Variants in DIP2C observed in about 807,000 individuals in gnomAD.
DIP2C encodes DIP2 acetate--CoA ligase C (putative).
In DIP2C, 33 loss-of-function variants were observed where a neutral mutation model predicts 192.4. That is an observed-to-expected ratio of 0.17 (90% confidence interval 0.13 to 0.23). The LOEUF (loss-of-function observed/expected upper bound fraction) is 0.23. Among genes scored for constraint, DIP2C ranks in the 10% least tolerant of loss-of-function variants. DIP2C has a pLI of 1.00. For synonymous variants in DIP2C, 979 were observed against 864.1 expected (o/e 1.13, Z -2.33); for missense variants, 1,537 against 2,110.1 (o/e 0.73, Z 5.32).
At chr10:327,238 G>A in intron 30 of DIP2C, 62 bp from the exon 31 acceptor site, 1 of 1,552,146 alleles carries the variant, frequency 6.4e-7, no homozygotes. Flanking sequence ...GTGAGCCAGA[G>A]ACTCCTTCCC....
At position 347,507 on chromosome 10, in the gene DIP2C, T is replaced by C. The variant is rs1282530830; in HGVS notation, c.3231+1134A>G. ...ACTCACCCGGACACATTGCGCATAG[T>C]TCTCCCGGAAACCCCACACGCACCC... On this transcript the variant is annotated intron_variant, in intron 26 of 36. Coordinates refer to ENST00000280886, the MANE Select transcript of DIP2C (RefSeq NM_014974.3). Among the ~76,000 whole-genome samples, 14 of 69,260 alleles carry C rather than the reference T, an allele frequency of 2.0e-4. 1 individual carries two copies. The highest frequency in any genetic ancestry group is 6.5e-4 in the South Asian group (1 of 1,540). 45.4% of individuals were successfully genotyped at this position (69,260 alleles called of 152,430 possible).
intron 1 of DIP2C, among the ~76,000 whole-genome samples, chr10:645,755 G>A (rs754613337): frequency 1.1e-4 from 17 of 152,140 alleles, no homozygotes; most frequent in Non-Finnish European, 1.9e-4. Context: ...TGTTGATAAC[G>A]TTTATCTCTG....
chr10:619,571 G>A (rs1182229882), intron 1 of DIP2C, among the ~76,000 whole-genome samples: 3 of 75,612 alleles, frequency 4.0e-5, no homozygotes, highest in East Asian at 3.7e-4. Context: ...ACGCACTCCC[G>A]TGCGAGCTAA....
chr10:401,300 G>C (rs951169531), intron 9 of DIP2C, among the ~76,000 whole-genome samples: 2 of 151,338 alleles, frequency 1.3e-5, no homozygotes, highest in African/African-American at 4.9e-5. Context: ...CTTCCTTACG[G>C]ACAAGTTTGG....
At chr10:409,407 C>T (rs950676948) in intron 8 of DIP2C, among the ~76,000 whole-genome samples, 1 of 152,136 alleles carries the variant, frequency 6.6e-6, no homozygotes, top group Non-Finnish European at 1.5e-5. Context: ...GCCCTGAGAA[C>T]CTTCTCCTAG....
At chr10:478,813 C>T (rs1186266835) in intron 2 of DIP2C, among the ~76,000 whole-genome samples, 2 of 152,098 alleles carry the variant, frequency 1.3e-5, no homozygotes, top group South Asian at 2.1e-4. Flanking sequence ...CTTATTCTCA[C>T]TCATCGCGTG....
intron 32 of DIP2C, among the ~76,000 whole-genome samples, chr10:305,852 C>G (rs1338801434): frequency 1.3e-5 from 2 of 152,028 alleles, no homozygotes; most frequent in African/African-American, 2.4e-5. Flanking sequence ...CGCTATGTTG[C>G]CCAGGCTGCC....
intron 1 of DIP2C, among the ~76,000 whole-genome samples, chr10:545,531 G>T (rs1291042505): frequency 6.6e-6 from 1 of 152,108 alleles, no homozygotes; most frequent in African/African-American, 2.4e-5. Context: ...AGAAACCCAT[G>T]AGGACACAGA....
chr10:414,705 G>GTA (rs1460682366), intron 7 of DIP2C, among the ~76,000 whole-genome samples: 7 of 94,680 alleles, frequency 7.4e-5, no homozygotes, highest in African/African-American at 2.4e-4. Flanking sequence ...GAGTGTGTAT[G>GTA]TATGTGTGTG....
intron 29 of DIP2C, among the ~76,000 whole-genome samples, chr10:329,959 A>G (rs1957432567): frequency 6.6e-6 from 1 of 152,168 alleles, no homozygotes; most frequent in Admixed American, 6.5e-5. Context: ...TAAAAAAAAA[A>G]AGTCCAGCTT....
At chr10:678,508 C>T (rs112987326) in intron 1 of DIP2C, among the ~76,000 whole-genome samples, 2 of 80,622 alleles carry the variant, frequency 2.5e-5, no homozygotes, top group Non-Finnish European at 6.4e-5. Flanking sequence ...CCTCCCCGCA[C>T]CCAAGCTCCC....
chr10:566,246 C>A (rs930758605), intron 1 of DIP2C, among the ~76,000 whole-genome samples: 3 of 152,188 alleles, frequency 2.0e-5, no homozygotes, highest in Admixed American at 6.5e-5. Context: ...TTTTTTGCCC[C>A]TTTTTAAACT....
intron 1 of DIP2C, among the ~76,000 whole-genome samples, chr10:502,473 T>A (rs1477348023): frequency 1.3e-5 from 2 of 152,174 alleles, no homozygotes; most frequent in Non-Finnish European, 2.9e-5. Flanking sequence ...CTCAGGTCCA[T>A]AATCTAAGCT....
At chr10:444,116 T>C (rs117412313) in intron 3 of DIP2C, among the ~76,000 whole-genome samples, 4,035 of 150,484 alleles carry the variant, frequency 0.027, 91 homozygotes, top group East Asian at 0.083. Context: ...AGATTCCCCA[T>C]CGTCACATGG....
rs181516172 is a variant in DIP2C at position 612,070 on chromosome 10, C to T, written c.85+77424G>A. ...CAGCACTTTGGGAGGCCAAGGTGAG[C>T]GCATCACCTGAGGTCAGGAGTTCGA... On this transcript the variant is annotated intron_variant, in intron 1 of 36. Transcript: ENST00000280886. Among the ~76,000 whole-genome samples, 641 of 152,138 alleles carry T rather than the reference C, an allele frequency of 4.2e-3. 2 individuals are homozygous for T. Among genetic ancestry groups the T allele is most frequent in the Non-Finnish European group, 7.0e-3 (477 of 68,012 alleles).
chr10:478,700 C>T (rs1427019729), intron 2 of DIP2C, among the ~76,000 whole-genome samples: 1 of 151,828 alleles, frequency 6.6e-6, no homozygotes, highest in Non-Finnish European at 1.5e-5. Context: ...CTTATTCTCA[C>T]TCATCTCGTG....
At chr10:565,282 G>GC (rs1336710753) in intron 1 of DIP2C, among the ~76,000 whole-genome samples, 2 of 146,814 alleles carry the variant, frequency 1.4e-5, no homozygotes, top group African/African-American at 5.2e-5. Flanking sequence ...TAAGAGTACC[G>GC]CCCTTCCACA....
At chr10:384,437 C>T in intron 15 of DIP2C, 109 bp downstream of exon 15, 1 of 1,123,284 alleles carries the variant, frequency 8.9e-7, no homozygotes, top group South Asian at 1.4e-5. Context: ...GGGGTTTCTC[C>T]ATATTGGCCC....
intron 35 of DIP2C, 68 bp from the exon 36 acceptor site, chr10:281,391 A>C (rs1954811236): frequency 2.0e-6 from 3 of 1,517,126 alleles, no homozygotes; most frequent in African/African-American, 2.8e-5. Context: ...TTCTTTTCTT[A>C]AAAAAAGATT....
Sources: allele counts gnomAD v4.1 joint callset (sites outside exome capture counted in the v4.1 genomes callset), GRCh38; gene constraint gnomAD v4.1.1; transcripts MANE v1.5; gene names NCBI Gene and HGNC (gene_info 2026-07-23, HGNC 2026-07-21).